Variants in SLC30A8 observed in about 807,000 individuals in gnomAD.
The protein encoded by SLC30A8 is solute carrier family 30 member 8.
Under a neutral mutation model 36.9 loss-of-function variants are expected in SLC30A8, and 27 were observed. The observed-to-expected ratio is 0.73, with a 90% CI of 0.54 to 1.01. The LOEUF is 1.01. Among genes scored for constraint, SLC30A8 ranks in the 50% least tolerant of loss-of-function variants. SLC30A8 has a pLI of 0.00. For synonymous variants in SLC30A8, 164 were observed against 172.4 expected (o/e 0.95, Z 0.38); for missense variants, 439 against 452.0 (o/e 0.97, Z 0.26).
intron 2 of SLC30A8, among the ~76,000 whole-genome samples, chr8:117,105,321 T>A (rs552375476): frequency 2.6e-5 from 4 of 152,164 alleles, no homozygotes; most frequent in Admixed American, 6.6e-5. Flanking sequence ...CTATCCATTA[T>A]TCAGTTCCAA....
chr8:116,958,168 C>T (rs1225537552), intron 1 of SLC30A8, among the ~76,000 whole-genome samples: 1 of 152,212 alleles, frequency 6.6e-6, no homozygotes, highest in African/African-American at 2.4e-5. Flanking sequence ...CTGGACCGCT[C>T]TTCTTATTCT....
chr8:117,081,498 C>T lies in SLC30A8; in HGVS notation c.-226+42240C>T, dbSNP rs181888473. On this transcript the variant is annotated intron_variant, in intron 2 of 10. Transcript: ENST00000427715. ...CTCTACCCTAATGGCCTCATGTAAC[C>T]TTAATTGCCTCTTTAAAATCTCTAT... Among the ~76,000 whole-genome samples the T allele has an allele frequency of 2.6e-5, 4 of 152,260 alleles. No individual in the cohort carries two copies. The East Asian group carries it at 7.7e-4, about 29-fold the overall frequency.
chr8:117,146,401 G>C (rs1318728686), intron 1 of SLC30A8, among the ~76,000 whole-genome samples: 1 of 152,174 alleles, frequency 6.6e-6, no homozygotes, highest in Non-Finnish European at 1.5e-5. Flanking sequence ...GGAAGCATAA[G>C]TAGGTTTCAA....
chr8:117,004,843 C>T (rs559686017), intron 1 of SLC30A8, among the ~76,000 whole-genome samples: 56 of 152,006 alleles, frequency 3.7e-4, no homozygotes, highest in Middle Eastern at 3.4e-3. Context: ...TGCCATCTTT[C>T]GATGCACGTT....
Position 117,147,141 on chromosome 8 carries a change from G to A in SLC30A8, c.259G>A (p.Ala87Thr), listed in dbSNP as rs773052424. The A allele has an allele frequency of 8.7e-6, 14 of 1,613,688 alleles. No individual in the cohort carries two copies. The East Asian group carries it at 2.2e-4, about 26-fold the overall frequency. ...ASAICFIFMI[A>T]EVVGGHIAGS... The stretch of plus-strand genomic sequence containing the variant: ...AGCAATATGCTTCATTTTCATGATT[G>A]CAGAGGTCGTGGGTGAGTCTTTCTG... Residue 87 changes from alanine to threonine, a missense_variant, in exon 2 of 8, where the codon GCA (alanine) becomes ACA (threonine). Transcript: ENST00000456015.
At chr8:117,042,895 C>T (rs1459599937) in intron 2 of SLC30A8, among the ~76,000 whole-genome samples, 2 of 152,152 alleles carry the variant, frequency 1.3e-5, no homozygotes, top group Non-Finnish European at 1.5e-5. Flanking sequence ...AGGCCGGTCT[C>T]GAACTCCTGA....
intron 2 of SLC30A8, among the ~76,000 whole-genome samples, chr8:117,107,399 T>C (rs1363260102): frequency 6.6e-6 from 1 of 152,192 alleles, no homozygotes; most frequent in East Asian, 1.9e-4. Flanking sequence ...GCATTGGATT[T>C]GAGGAGCAGA....
chr8:117,153,828 C>A (rs887549048), intron 3 of SLC30A8, among the ~76,000 whole-genome samples: 5 of 151,752 alleles, frequency 3.3e-5, no homozygotes, highest in South Asian at 2.1e-4. Context: ...TGTGCCTGAG[C>A]CTTGCCTGCC....
chr8:116,957,884 C>T (rs1814271952), intron 1 of SLC30A8, among the ~76,000 whole-genome samples: 2 of 152,182 alleles, frequency 1.3e-5, no homozygotes, highest in Non-Finnish European at 2.9e-5. Context: ...TTTTTCCCTT[C>T]ATGGTCTTTT....
intron 2 of SLC30A8, among the ~76,000 whole-genome samples, chr8:117,079,853 GA>G (rs1818608818): frequency 6.6e-6 from 1 of 152,196 alleles, no homozygotes; most frequent in African/African-American, 2.4e-5. Context: ...TTGTTAAACT[GA>G]GTCAATTCTT....
intron 2 of SLC30A8, among the ~76,000 whole-genome samples, chr8:117,071,924 C>T (rs1460658031): frequency 6.6e-6 from 1 of 151,900 alleles, no homozygotes; most frequent in Non-Finnish European, 1.5e-5. Flanking sequence ...GTTCATCTCC[C>T]ATTAGCCTAT....
At chr8:117,164,238 A>G (rs911003545) in intron 6 of SLC30A8, 1 of 152,270 alleles carries the variant, frequency 6.6e-6, no homozygotes, top group African/African-American at 2.4e-5. Context: ...TGGGCAACAT[A>G]GTGAGACCCT....
intron 2 of SLC30A8, among the ~76,000 whole-genome samples, chr8:117,094,589 T>G (rs114019548): frequency 0.033 from 5,007 of 152,230 alleles, 195 homozygotes; most frequent in African/African-American, 0.097. Flanking sequence ...CAGAGGGGAA[T>G]AAGTGTGTGC....
chr8:117,127,444 C>T (rs1043659506), intron 2 of SLC30A8, among the ~76,000 whole-genome samples: 1 of 151,916 alleles, frequency 6.6e-6, no homozygotes, highest in Non-Finnish European at 1.5e-5. Context: ...TATAATATTG[C>T]CCTTAGGTTG....
In SLC30A8 at chr8:117,173,539, T is replaced by A. The variant is rs568555313; in HGVS notation, c.*858T>A. 1 of 152,174 alleles carries A rather than the reference T, an allele frequency of 6.6e-6. No homozygotes were observed. The highest frequency in any genetic ancestry group is 1.5e-5 in the Non-Finnish European group (1 of 68,026). 9.4% of individuals were successfully genotyped at this position (152,174 alleles called of 1,614,324 possible). ...AACCAATTCATTCAGTCCACGAGCA[T>A]GATGTGAGCACTGCTTTGTGCTAGA... On this transcript the variant is annotated 3_prime_UTR_variant, in exon 8 of 8. Transcript: ENST00000456015.
intron 2 of SLC30A8, among the ~76,000 whole-genome samples, chr8:117,096,790 T>C (rs1436628904): frequency 6.6e-6 from 1 of 152,196 alleles, no homozygotes; most frequent in Non-Finnish European, 1.5e-5. Context: ...TATTGTCATA[T>C]GACCATTGTC....
At chr8:117,149,733 C>T (rs942024055) in intron 2 of SLC30A8, among the ~76,000 whole-genome samples, 16 of 152,318 alleles carry the variant, frequency 1.1e-4, no homozygotes, top group African/African-American at 3.6e-4. Flanking sequence ...CACTTTCATA[C>T]TGTGTCTTTT....
intron 1 of SLC30A8, among the ~76,000 whole-genome samples, chr8:117,139,762 T>C (rs1270988112): frequency 1.3e-5 from 2 of 149,440 alleles, no homozygotes; most frequent in South Asian, 2.1e-4. Context: ...CCCTTGGAAA[T>C]GGGAGAGGAT....
At chr8:117,026,731 C>T (rs544091326) in intron 1 of SLC30A8, among the ~76,000 whole-genome samples, 18 of 152,274 alleles carry the variant, frequency 1.2e-4, no homozygotes, top group Admixed American at 1.1e-3. Flanking sequence ...GGTTAAAACA[C>T]GTACATGTAT....
Sources: gnomAD v4.1 joint callset for allele counts (sites outside exome capture counted in the v4.1 genomes callset) on GRCh38, gnomAD v4.1.1 for gene constraint, MANE v1.5 for transcripts, NCBI Gene and HGNC (gene_info 2026-07-23, HGNC 2026-07-21) for gene names.